CSMD3: variants seen among roughly 807,000 people sequenced by gnomAD.
CSMD3 encodes the protein CUB and Sushi multiple domains 3.
A neutral mutation model predicts 435.2 loss-of-function variants in CSMD3; 177 were observed. The observed-to-expected ratio is 0.41, with a 90% CI of 0.36 to 0.46. The LOEUF is 0.46. CSMD3 is among the 20% of genes least tolerant of loss of function. The pLI, the probability that CSMD3 is intolerant of heterozygous loss-of-function variation, is 0.34. For missense variants in CSMD3, 4,265 were observed against 4,504.6 expected (o/e 0.95, Z 1.52); for synonymous variants, 1,656 against 1,520.5 (o/e 1.09, Z -2.07).
At chr8:112,627,225 T>C (rs114245908) in intron 22 of CSMD3, among the ~76,000 whole-genome samples, 264 of 152,262 alleles carry the variant, frequency 1.7e-3, no homozygotes, top group African/African-American at 6.0e-3. Context: ...TGAGGTCTAT[T>C]ATAGTTTTTC....
At chr8:112,436,247 T>C (rs16883589) in intron 32 of CSMD3, among the ~76,000 whole-genome samples, 2,667 of 151,986 alleles carry the variant, frequency 0.018, 80 homozygotes, top group African/African-American at 0.061. Context: ...AAGACATGTG[T>C]GCAACTAATT....
chr8:113,331,769 A>G (rs2132774423), intron 1 of CSMD3, among the ~76,000 whole-genome samples: 1 of 151,812 alleles, frequency 6.6e-6, no homozygotes, highest in African/African-American at 2.4e-5. Context: ...TAAAAATAGA[A>G]TGGAACACCT....
intron 5 of CSMD3, among the ~76,000 whole-genome samples, chr8:113,076,202 T>C (rs1279960688): frequency 1.3e-5 from 2 of 151,034 alleles, no homozygotes; most frequent in Non-Finnish European, 3.0e-5. Flanking sequence ...GGATACTAGA[T>C]AGATAGCAAA....
At position 113,098,803 on chromosome 8, in the gene CSMD3, C is replaced by T. The variant is rs2131546305; in HGVS notation, c.870G>A (p.Glu290=). Residue 290 remains glutamate (E), a synonymous_variant, in exon 5 of 71, where the codon GAG becomes GAA. Coordinates refer to ENST00000297405, the MANE Select transcript of CSMD3 (RefSeq NM_198123.2). ...SLIFTDFQME[E]KYDYLEIEGS... is the part of the protein sequence containing the mutation. ...CTTCTATTTCTAAGTAATCATATTT[C>T]TCTTCCATTTGAAAATCAGTAAATA... 6.2e-7 allele frequency: 1 copy of T among 1,612,646 alleles called. No homozygotes were observed. The highest frequency in any genetic ancestry group is 8.5e-7 in the Non-Finnish European group (1 of 1,178,968).
chr8:113,409,077 T>C (rs1268074876), intron 1 of CSMD3, among the ~76,000 whole-genome samples: 2 of 136,284 alleles, frequency 1.5e-5, no homozygotes, highest in Non-Finnish European at 1.6e-5. Flanking sequence ...CTTCTTCTTC[T>C]TCTTTTTTTT....
At chr8:112,744,447 T>A (rs2077383392) in intron 13 of CSMD3, among the ~76,000 whole-genome samples, 1 of 152,104 alleles carries the variant, frequency 6.6e-6, no homozygotes, top group Non-Finnish European at 1.5e-5. Flanking sequence ...GAAGACTTTT[T>A]TTGTGTTTAA....
intron 6 of CSMD3, among the ~76,000 whole-genome samples, chr8:113,013,203 C>T (rs1247973472): frequency 1.3e-5 from 2 of 152,012 alleles, no homozygotes; most frequent in Non-Finnish European, 2.9e-5. Context: ...TTTTAAAAAT[C>T]AGTTCCAAGA....
intron 1 of CSMD3, among the ~76,000 whole-genome samples, chr8:113,427,952 T>G (rs1409462188): frequency 6.6e-6 from 1 of 151,746 alleles, no homozygotes; most frequent in Non-Finnish European, 1.5e-5. Context: ...CTCAAGAGCC[T>G]CCATTAGGAG....
intron 2 of CSMD3, among the ~76,000 whole-genome samples, chr8:113,279,091 T>C (rs1326785007): frequency 6.6e-6 from 1 of 151,424 alleles, no homozygotes; most frequent in Non-Finnish European, 1.5e-5. Context: ...AAGACTGCTG[T>C]TGATATTATA....
chr8:112,251,104 A>C (rs1278061740), intron 63 of CSMD3, among the ~76,000 whole-genome samples: 3 of 151,796 alleles, frequency 2.0e-5, no homozygotes, highest in Non-Finnish European at 4.4e-5. Context: ...ATTTATTTGA[A>C]TCTGACTTCT....
At chr8:113,400,980 G>C (rs773877252) in intron 1 of CSMD3, among the ~76,000 whole-genome samples, 27 of 151,734 alleles carry the variant, frequency 1.8e-4, no homozygotes, top group Non-Finnish European at 3.1e-4. Flanking sequence ...GTAATTGAGA[G>C]ATAAAGAAAC....
At chr8:112,260,391 A>C (rs1227031816) in intron 61 of CSMD3, among the ~76,000 whole-genome samples, 1 of 152,158 alleles carries the variant, frequency 6.6e-6, no homozygotes, top group Non-Finnish European at 1.5e-5. Context: ...ATTGTCTATT[A>C]AAATGTCATG....
intron 27 of CSMD3, among the ~76,000 whole-genome samples, chr8:112,543,314 G>A (rs1449911103): frequency 6.6e-6 from 1 of 152,026 alleles, no homozygotes; most frequent in Non-Finnish European, 1.5e-5. Context: ...GCAAGCTATG[G>A]AATGGGAGAA....
At chr8:113,420,675 G>A (rs996696074) in intron 1 of CSMD3, among the ~76,000 whole-genome samples, 3 of 151,952 alleles carry the variant, frequency 2.0e-5, no homozygotes, top group Non-Finnish European at 4.4e-5. Context: ...AGGCCAGGCG[G>A]GGTGGCTCAT....
chr8:113,170,230 CT>C (rs1293676624), intron 4 of CSMD3, among the ~76,000 whole-genome samples: 1 of 152,196 alleles, frequency 6.6e-6, no homozygotes, highest in East Asian at 1.9e-4. Flanking sequence ...GCCATCTTTT[CT>C]TTGGAAATGA....
intron 1 of CSMD3, among the ~76,000 whole-genome samples, chr8:113,412,905 A>T (rs1433671303): frequency 6.6e-6 from 1 of 152,134 alleles, no homozygotes; most frequent in South Asian, 2.1e-4. Flanking sequence ...TATCTCCCAA[A>T]TACACACATA....
At chr8:113,019,213 A>T (rs760900715) in intron 5 of CSMD3, 34 bp from the exon 6 acceptor site, 3 of 1,448,186 alleles carry the variant, frequency 2.1e-6, no homozygotes, top group Non-Finnish European at 2.9e-6. Context: ...AAAAAATTTA[A>T]AAAGCTTTTC....
At chr8:112,749,420 C>T (rs1041633062) in intron 13 of CSMD3, among the ~76,000 whole-genome samples, 2 of 152,068 alleles carry the variant, frequency 1.3e-5, no homozygotes, top group African/African-American at 2.4e-5. Flanking sequence ...TTTCCCGTTC[C>T]TATGTCCAGG....
chr8:113,185,196 T>C (rs1480461), intron 3 of CSMD3, among the ~76,000 whole-genome samples: 21,150 of 152,064 alleles, frequency 0.14, 2,701 homozygotes, highest in African/African-American at 0.34. Flanking sequence ...TTAAGAATTA[T>C]GGCAGAAGGT....
Sources: allele counts gnomAD v4.1 joint callset (sites outside exome capture counted in the v4.1 genomes callset), GRCh38; gene constraint gnomAD v4.1.1; transcripts MANE v1.5; gene names NCBI Gene and HGNC (gene_info 2026-07-23, HGNC 2026-07-21).